Variants in TRHDE observed in about 807,000 individuals in gnomAD.
The protein encoded by TRHDE is thyrotropin-releasing hormone-degrading ectoenzyme.
Under a neutral mutation model 125.7 loss-of-function variants are expected in TRHDE, and 72 were observed. The observed-to-expected ratio is 0.57, with a 90% CI of 0.47 to 0.70. The LOEUF is 0.70. Among genes scored for constraint, TRHDE ranks in the 30% least tolerant of loss-of-function variants. TRHDE has a pLI of 0.00. For synonymous variants in TRHDE, 509 were observed against 509.1 expected (o/e 1.00, Z 0.00); for missense variants, 1,110 against 1,327.1 (o/e 0.84, Z 2.54).
At chr12:72,211,370 A>G (rs977575462) in intron 2 of TRHDE, among the ~76,000 whole-genome samples, 3 of 152,238 alleles carry the variant, frequency 2.0e-5, no homozygotes. Context: ...TAACCATGAA[A>G]GAGCTGAAGT....
chr12:72,612,592 C>T (rs1872671808), intron 12 of TRHDE, among the ~76,000 whole-genome samples: 1 of 152,076 alleles, frequency 6.6e-6, no homozygotes, highest in South Asian at 2.1e-4. Flanking sequence ...TTCTTTCTCT[C>T]AAAATAATGG....
intron 6 of TRHDE, among the ~76,000 whole-genome samples, chr12:72,504,935 G>C (rs1219223045): frequency 1.3e-5 from 2 of 151,984 alleles, no homozygotes; most frequent in African/African-American, 4.8e-5. Context: ...ATCATCTCTT[G>C]TAATTATTTC....
intron 6 of TRHDE, among the ~76,000 whole-genome samples, chr12:72,500,791 T>C (rs1441411893): frequency 6.6e-6 from 1 of 151,992 alleles, no homozygotes; most frequent in Non-Finnish European, 1.5e-5. Flanking sequence ...GAAGCATTTA[T>C]TGTAGTGAAC....
intron 2 of TRHDE, among the ~76,000 whole-genome samples, chr12:72,158,113 G>C (rs983178797): frequency 4.6e-5 from 7 of 152,112 alleles, no homozygotes; most frequent in African/African-American, 1.7e-4. Flanking sequence ...AAAATGTTTT[G>C]GTAGGAGATG....
chr12:72,520,417 G>A (rs12580994), intron 6 of TRHDE, among the ~76,000 whole-genome samples: 7,587 of 152,262 alleles, frequency 0.05, 275 homozygotes, highest in Admixed American at 0.11. Context: ...GGTGCCGACC[G>A]TCACGCCTTT....
intron 2 of TRHDE, among the ~76,000 whole-genome samples, chr12:72,128,021 A>T (rs928701903): frequency 6.6e-6 from 1 of 152,082 alleles, no homozygotes; most frequent in Non-Finnish European, 1.5e-5. Context: ...TGCAAAAAAA[A>T]CAGAACCCTG....
At chr12:72,627,161 C>G (rs1249664234) in intron 15 of TRHDE, among the ~76,000 whole-genome samples, 1 of 151,914 alleles carries the variant, frequency 6.6e-6, no homozygotes, top group Non-Finnish European at 1.5e-5. Context: ...TGGCTTTAGA[C>G]AAGTCAGTTA....
intron 2 of TRHDE, among the ~76,000 whole-genome samples, chr12:72,228,480 C>T (rs1395832683): frequency 6.6e-6 from 1 of 152,174 alleles, no homozygotes; most frequent in South Asian, 2.1e-4. Context: ...TTTTTTCCCT[C>T]CTAGGCCTCT....
chr12:72,657,132 A>G (rs1161906143), intron 18 of TRHDE, 124 bp downstream of exon 18: 1 of 612,442 alleles, frequency 1.6e-6, no homozygotes, highest in Non-Finnish European at 2.9e-6. Flanking sequence ...CGCACACCAC[A>G]CACACACACA....
At chr12:72,199,954 T>C (rs1431039850) in intron 2 of TRHDE, among the ~76,000 whole-genome samples, 2 of 152,172 alleles carry the variant, frequency 1.3e-5, no homozygotes, top group Non-Finnish European at 2.9e-5. Flanking sequence ...ATTGTGAAAT[T>C]AGCTTGAACT....
At chr12:72,102,169 G>A (rs974709147) in intron 1 of TRHDE, among the ~76,000 whole-genome samples, 2 of 152,124 alleles carry the variant, frequency 1.3e-5, no homozygotes, top group African/African-American at 4.8e-5. Flanking sequence ...TAGGTATCTG[G>A]ACAAGCTAAA....
At position 72,273,506 on chromosome 12, in the gene TRHDE, A is replaced by C. The variant is rs144507471; in HGVS notation, c.863A>C (p.Asn288Thr). The change falls in exon 1 of 19, where the codon AAT becomes ACT. Residue 288 changes from asparagine (N) to threonine (T), a missense_variant. Asn to Thr is a moderately conservative substitution (Grantham distance 65). Around this residue, in one of 5 missense-constraint regions of TRHDE, gnomAD observed 252 missense variants for 274.8 expected, o/e 0.92. Transcript: ENST00000261180. This position sits in a 1 kb window ranked among gnomAD's most constrained non-coding sequence, Gnocchi z 5.3. The stretch of plus-strand genomic sequence containing the variant: ...ATTATCTACAACGCGCTCATCGAGA[A>C]TGAGCTCCTGGGCTTCTTCCGCAGC... ...LKIIYNALIE[N>T]ELLGFFRSSY... The C allele has an allele frequency of 3.6e-4, 581 of 1,610,052 alleles. No individual in the cohort carries two copies. The highest frequency in any genetic ancestry group is 4.7e-4 in the Non-Finnish European group (559 of 1,180,010).
chr12:72,154,165 T>G (rs1268671245), intron 2 of TRHDE, among the ~76,000 whole-genome samples: 2 of 152,210 alleles, frequency 1.3e-5, no homozygotes, highest in Non-Finnish European at 2.9e-5. Context: ...CTTCTTTGTC[T>G]CTTTTGATCT....
intron 2 of TRHDE, among the ~76,000 whole-genome samples, chr12:72,211,861 A>G (rs1162105735): frequency 6.6e-6 from 1 of 152,200 alleles, no homozygotes; most frequent in Non-Finnish European, 1.5e-5. Flanking sequence ...TTTGATTGTC[A>G]CAAGTACTTG....
intron 2 of TRHDE, among the ~76,000 whole-genome samples, chr12:72,157,123 CT>C (rs58371536): frequency 0.033 from 4,748 of 143,396 alleles, 115 homozygotes; most frequent in African/African-American, 0.069. Flanking sequence ...TTTTCTTTTT[CT>C]TTTTTTTTTT....
At chr12:72,196,096 G>A (rs1001433417) in intron 2 of TRHDE, among the ~76,000 whole-genome samples, 4 of 152,018 alleles carry the variant, frequency 2.6e-5, no homozygotes, top group African/African-American at 4.8e-5. Flanking sequence ...ATCTGTTTCT[G>A]TACCAGTACC....
intron 3 of TRHDE, among the ~76,000 whole-genome samples, chr12:72,410,208 CAAAT>C (rs888935882): frequency 1.0e-3 from 152 of 151,648 alleles, no homozygotes; most frequent in African/African-American, 3.4e-3. Context: ...TGTTGACAAA[CAAAT>C]ATATATATAT....
At chr12:72,402,948 T>G (rs1873107368) in intron 3 of TRHDE, among the ~76,000 whole-genome samples, 1 of 152,180 alleles carries the variant, frequency 6.6e-6, no homozygotes, top group African/African-American at 2.4e-5. Context: ...AATCTCCCTT[T>G]GCTTCGTCCA....
chr12:72,605,734 A>G (rs1872411067), intron 12 of TRHDE, among the ~76,000 whole-genome samples: 2 of 152,164 alleles, frequency 1.3e-5, no homozygotes, highest in Admixed American at 1.3e-4. Flanking sequence ...GTAAAAATGA[A>G]TATTTTACTA....
Sources: allele counts gnomAD v4.1 joint callset (sites outside exome capture counted in the v4.1 genomes callset), GRCh38; gene constraint gnomAD v4.1.1; regional missense constraint gnomAD v4.1.1; non-coding constraint Gnocchi (gnomAD v3.1); transcripts MANE v1.5; gene names NCBI Gene and HGNC (gene_info 2026-07-23, HGNC 2026-07-21).